The following TLK1 variants were observed in gnomAD, a reference collection of about 807,000 sequenced individuals.
TLK1 encodes the protein serine/threonine-protein kinase tousled-like 1.
A neutral mutation model predicts 105.3 loss-of-function variants in TLK1; 24 were observed. That is an observed-to-expected ratio of 0.23 (90% CI 0.17 to 0.32). TLK1 has a LOEUF of 0.32. TLK1 is among the 10% of genes least tolerant of loss of function. The pLI is 1.00. For missense variants in TLK1, 558 were observed against 910.5 expected, an observed-to-expected ratio of 0.61 and a Z score of 4.98; for synonymous variants, 321 against 310.4, an observed-to-expected ratio of 1.03 and a Z score of -0.36.
At chr2:170,999,452 A>C (rs1174088436) in intron 18 of TLK1, among the ~76,000 whole-genome samples, 4 of 152,200 alleles carry the variant, frequency 2.6e-5, no homozygotes, top group African/African-American at 9.7e-5. Context: ...ATAGCTTGTA[A>C]AGATTAAGCT....
intron 1 of TLK1, among the ~76,000 whole-genome samples, chr2:171,127,718 A>C (rs963743898): frequency 6.6e-6 from 1 of 152,088 alleles, no homozygotes. Context: ...AAATGTCCCA[A>C]TTTCTCACCA....
At chr2:171,065,075 A>G (rs183902888) in intron 3 of TLK1, among the ~76,000 whole-genome samples, 18 of 152,200 alleles carry the variant, frequency 1.2e-4, no homozygotes, top group African/African-American at 1.9e-4. Flanking sequence ...AAGACCAAAC[A>G]TAAGAACACA....
chr2:171,086,633 AC>A (rs1688988047), intron 2 of TLK1, among the ~76,000 whole-genome samples: 4 of 127,708 alleles, frequency 3.1e-5, no homozygotes, highest in African/African-American at 1.1e-4. Flanking sequence ...CTCAAAAAAA[AC>A]AAACAAAAAA....
At chr2:171,151,232 T>C (rs1692020747) in intron 1 of TLK1, among the ~76,000 whole-genome samples, 1 of 151,992 alleles carries the variant, frequency 6.6e-6, no homozygotes, top group Admixed American at 6.6e-5. Flanking sequence ...TTGTCCAGGC[T>C]GGTCTCGAAC....
chr2:171,194,367 T>C (rs1693219361), intron 1 of TLK1, among the ~76,000 whole-genome samples: 1 of 152,182 alleles, frequency 6.6e-6, no homozygotes, highest in Non-Finnish European at 1.5e-5. Flanking sequence ...TGTAAAGAAA[T>C]CTTATGAAAT....
chr2:170,998,936 T>C (rs958297960), intron 18 of TLK1, among the ~76,000 whole-genome samples: 1 of 152,162 alleles, frequency 6.6e-6, no homozygotes, highest in Non-Finnish European at 1.5e-5. Flanking sequence ...ACCCAGCTAA[T>C]ACTTTCTTCT....
In TLK1 at chr2:171,004,481, T is replaced by C. The variant is rs1449473057; in HGVS notation, c.1904+1666A>G. On this transcript the variant is annotated intron_variant, in intron 18 of 20. Transcript: ENST00000431350. ...CCAATTTTTGGACCACAGATTTCCA[T>C]GAGAAATACATTCCATGTTCCTATA... Among the ~76,000 whole-genome samples the C allele has an allele frequency of 2.0e-5, 3 of 152,172 alleles. No individual in the cohort carries two copies. The East Asian group carries it at 5.8e-4, about 29-fold the overall frequency.
Position 171,160,781 on chromosome 2 carries a change from C to G in TLK1, c.-353G>C, listed in dbSNP as rs1001588564. On this transcript the variant is annotated 5_prime_UTR_variant, in exon 1 of 21. Transcript: ENST00000431350. The surrounding 1 kb of genome is among the most constrained non-coding windows in gnomAD (Gnocchi z 4.4). ...GCGCGGGCTGCGCCGGCCGAGGACA[C>G]TTCCGCGGGCGGAACCTGCCGGCAC... is the stretch of plus-strand genomic sequence containing the variant. 1 of 403,858 alleles carries G rather than the reference C, an allele frequency of 2.5e-6. No individual in the cohort carries two copies. Among genetic ancestry groups the G allele is most frequent in the African/African-American group, 2.1e-5 (1 of 47,300 alleles). The allele number at this position is 403,858 out of a possible 1,614,324, so 25.0% of individuals were successfully genotyped here.
intron 1 of TLK1, among the ~76,000 whole-genome samples, chr2:171,185,705 C>T (rs530947544): frequency 6.6e-6 from 1 of 152,340 alleles, no homozygotes; most frequent in African/African-American, 2.4e-5. Context: ...TTTGTACTCC[C>T]ATAGCAGCAC....
chr2:171,078,722 G>C (rs1174181774), intron 3 of TLK1, among the ~76,000 whole-genome samples: 1 of 152,158 alleles, frequency 6.6e-6, no homozygotes, highest in Non-Finnish European at 1.5e-5. Context: ...AGCCCAAACA[G>C]CAAACTTGAA....
At chr2:171,087,547 T>A (rs1191861880) in intron 2 of TLK1, among the ~76,000 whole-genome samples, 1 of 151,364 alleles carries the variant, frequency 6.6e-6, no homozygotes, top group African/African-American at 2.4e-5. Context: ...CAGAAAAAAA[T>A]ATTTGAAAAA....
At chr2:171,034,027 C>T (rs1244916976) in intron 11 of TLK1, among the ~76,000 whole-genome samples, 1 of 151,848 alleles carries the variant, frequency 6.6e-6, no homozygotes, top group African/African-American at 2.4e-5. Context: ...TGTTCAACAA[C>T]ATTAAGTCAT....
At chr2:171,102,549 G>C (rs1412332499) in intron 2 of TLK1, among the ~76,000 whole-genome samples, 1 of 152,104 alleles carries the variant, frequency 6.6e-6, no homozygotes, top group African/African-American at 2.4e-5. Context: ...GGCGAAACAG[G>C]CTTAGGGTAA....
chr2:171,062,087 C>A (rs558851102), intron 3 of TLK1, among the ~76,000 whole-genome samples: 1 of 152,304 alleles, frequency 6.6e-6, no homozygotes, highest in South Asian at 2.1e-4. Context: ...AAAGTATCTT[C>A]ATTAGACTAA....
chr2:171,006,094 A>T (rs886284423), intron 18 of TLK1, 53 bp downstream of exon 18: 5 of 1,445,860 alleles, frequency 3.5e-6, no homozygotes, highest in Non-Finnish European at 4.6e-6. Flanking sequence ...AAATTATTAT[A>T]AAAGCACTGG....
At chr2:171,086,760 T>C (rs963687330) in intron 2 of TLK1, among the ~76,000 whole-genome samples, 4 of 152,142 alleles carry the variant, frequency 2.6e-5, no homozygotes, top group African/African-American at 9.7e-5. Flanking sequence ...CAAACAGCAG[T>C]TGAAACCCAG....
At chr2:171,163,550 T>A (rs1464415308), upstream of TLK1, among the ~76,000 whole-genome samples, 3 of 152,204 alleles carry the variant, frequency 2.0e-5, no homozygotes, top group South Asian at 4.1e-4. Flanking sequence ...AATTTCCTCA[T>A]CTACGAGAAA....
intron 1 of TLK1, among the ~76,000 whole-genome samples, chr2:171,145,624 G>C (rs953861129): frequency 6.6e-6 from 1 of 151,478 alleles, no homozygotes; most frequent in Non-Finnish European, 1.5e-5. Flanking sequence ...TATAATGTAT[G>C]AAGAGACAGG....
chr2:171,210,683 C>T (rs1693596981), intron 1 of TLK1, among the ~76,000 whole-genome samples: 1 of 152,182 alleles, frequency 6.6e-6, no homozygotes, highest in African/African-American at 2.4e-5. Flanking sequence ...CGGACTCTGA[C>T]TTTTTTGCAT....
Sources: gnomAD v4.1 joint callset for allele counts (sites outside exome capture counted in the v4.1 genomes callset) on GRCh38, gnomAD v4.1.1 for gene constraint, Gnocchi (gnomAD v3.1) non-coding constraint, MANE v1.5 for transcripts, NCBI Gene and HGNC (gene_info 2026-07-23, HGNC 2026-07-21) for gene names.